The following NCOA1 variants were observed in gnomAD, a reference collection of about 807,000 sequenced individuals.
NCOA1 encodes the protein Hin-2 protein.
A neutral mutation model predicts 150.9 loss-of-function variants in NCOA1; 35 were observed. The observed-to-expected ratio is 0.23, with a 90% confidence interval of 0.18 to 0.31. The LOEUF (loss-of-function observed/expected upper bound fraction) is 0.31. Ranked by LOEUF, NCOA1 falls within the 10% of genes least tolerant of loss-of-function variation. The pLI is 1.00. For missense variants in NCOA1, 1,491 were observed against 1,749.3 expected (o/e 0.85, Z 2.63); for synonymous variants, 590 against 630.0 (o/e 0.94, Z 0.95).
chr2:24,558,379 A>G (rs1666162864), intron 1 of NCOA1, among the ~76,000 whole-genome samples: 1 of 152,204 alleles, frequency 6.6e-6, no homozygotes, highest in African/African-American at 2.4e-5. Flanking sequence ...AATTGGACTT[A>G]CAGTTCCACA....
At chr2:24,564,979 C>T (rs1666438741) in intron 2 of NCOA1, among the ~76,000 whole-genome samples, 1 of 152,166 alleles carries the variant, frequency 6.6e-6, no homozygotes, top group Admixed American at 6.5e-5. Flanking sequence ...TGAAACCTTT[C>T]TTGCCTTTCC....
chr2:24,653,688 T>TA (rs1305088558), intron 4 of NCOA1, among the ~76,000 whole-genome samples: 12 of 152,118 alleles, frequency 7.9e-5, no homozygotes, highest in Non-Finnish European at 1.6e-4. Context: ...CACATTGTAA[T>TA]AAAAAAACAT....
chr2:24,717,984 C>T (rs1456625616), intron 14 of NCOA1, among the ~76,000 whole-genome samples: 1 of 150,248 alleles, frequency 6.7e-6, no homozygotes, highest in Non-Finnish European at 1.5e-5. Flanking sequence ...ACAACCTCTG[C>T]CTCTCAAGTT....
intron 17 of NCOA1, among the ~76,000 whole-genome samples, chr2:24,732,942 T>TAA: frequency 6.8e-6 from 1 of 147,946 alleles, no homozygotes. Context: ...AAAAAAAAAG[T>TAA]AAAAAGGGGG....
intron 3 of NCOA1, among the ~76,000 whole-genome samples, chr2:24,630,036 G>A (rs1024986957): frequency 6.6e-6 from 1 of 151,580 alleles, no homozygotes; most frequent in Non-Finnish European, 1.5e-5. Flanking sequence ...TAGTAGAAAC[G>A]GGGTTTCACT....
chr2:24,638,595 A>G (rs1670046224), intron 3 of NCOA1, among the ~76,000 whole-genome samples: 1 of 152,126 alleles, frequency 6.6e-6, no homozygotes, highest in Non-Finnish European at 1.5e-5. Context: ...GTACTGGTTT[A>G]CATTCCCACC....
intron 6 of NCOA1, among the ~76,000 whole-genome samples, chr2:24,671,513 A>G (rs1671681316): frequency 6.6e-6 from 1 of 152,188 alleles, no homozygotes; most frequent in South Asian, 2.1e-4. Flanking sequence ...TAAAACAAGC[A>G]AAATTTAAAA....
At chr2:24,664,734 T>A (rs1671336533) in intron 5 of NCOA1, among the ~76,000 whole-genome samples, 1 of 151,952 alleles carries the variant, frequency 6.6e-6, no homozygotes, top group South Asian at 2.1e-4. Context: ...AAAAGAAAAG[T>A]AAATGGTATC....
In NCOA1 at chr2:24,761,366, ATTCT is replaced by A. The variant is rs553659394; in HGVS notation, c.4066-1318_4066-1315del. Among the ~76,000 whole-genome samples, 685 of 152,198 alleles carry A rather than the reference ATTCT, an allele frequency of 4.5e-3. 3 individuals are homozygous for A. The highest frequency in any genetic ancestry group is 0.015 in the African/African-American group (640 of 41,510). ...TATTACTGTAGCCTCAGGTTCACTA[ATTCT>A]TTATTTTGCAATATCTAATCTGTTT... On this transcript the variant is annotated intron_variant, in intron 21 of 22. Coordinates refer to ENST00000348332, the MANE Select transcript of NCOA1 (RefSeq NM_003743.5).
intron 3 of NCOA1, among the ~76,000 whole-genome samples, chr2:24,613,435 C>T (rs1023016244): frequency 6.6e-6 from 1 of 152,196 alleles, no homozygotes; most frequent in African/African-American, 2.4e-5. Flanking sequence ...CTACAGTCCC[C>T]TGATGGCAGG....
intron 3 of NCOA1, among the ~76,000 whole-genome samples, chr2:24,601,021 T>G (rs1335444445): frequency 6.6e-6 from 1 of 152,158 alleles, no homozygotes. Context: ...GTGTAAAGAT[T>G]TGTCACATAA....
intron 3 of NCOA1, among the ~76,000 whole-genome samples, chr2:24,585,951 G>A (rs1324843401): frequency 6.6e-6 from 1 of 152,116 alleles, no homozygotes; most frequent in Non-Finnish European, 1.5e-5. Flanking sequence ...AACATATGAA[G>A]GATTTTTAAT....
chr2:24,686,267 T>A (rs906442541), intron 8 of NCOA1, among the ~76,000 whole-genome samples: 1 of 152,130 alleles, frequency 6.6e-6, no homozygotes, highest in African/African-American at 2.4e-5. Context: ...CCTCTCAAAG[T>A]GCTGGGATTA....
At chr2:24,710,519 T>C (rs999603672) in intron 13 of NCOA1, among the ~76,000 whole-genome samples, 5 of 152,216 alleles carry the variant, frequency 3.3e-5, no homozygotes, top group African/African-American at 9.6e-5. Context: ...TATAAAATAG[T>C]TGAATCAATA....
At chr2:24,694,713 A>G (rs1391667417) in intron 10 of NCOA1, among the ~76,000 whole-genome samples, 3 of 152,134 alleles carry the variant, frequency 2.0e-5, no homozygotes, top group Non-Finnish European at 4.4e-5. Flanking sequence ...TGAGTCTACC[A>G]TGTATTATGT....
intron 1 of NCOA1, among the ~76,000 whole-genome samples, chr2:24,497,772 G>C (rs183953240): frequency 2.7e-3 from 412 of 152,242 alleles, no homozygotes; most frequent in Non-Finnish European, 4.6e-3. Context: ...ATCTTTGGTT[G>C]GTTTTGGATT....
intron 3 of NCOA1, among the ~76,000 whole-genome samples, chr2:24,618,030 A>G (rs1456373670): frequency 1.3e-5 from 2 of 152,224 alleles, no homozygotes; most frequent in Non-Finnish European, 1.5e-5. Context: ...AAAACTATAT[A>G]GAGATATTTA....
chr2:24,679,337 G>A (rs1672060258), intron 7 of NCOA1, among the ~76,000 whole-genome samples: 2 of 152,120 alleles, frequency 1.3e-5, no homozygotes, highest in South Asian at 4.1e-4. Flanking sequence ...TGTAGAACAA[G>A]AACAAGTAAT....
intron 1 of NCOA1, among the ~76,000 whole-genome samples, chr2:24,563,138 G>T (rs920204736): frequency 1.1e-4 from 17 of 152,228 alleles, no homozygotes; most frequent in African/African-American, 4.1e-4. Context: ...ATCATTCTCA[G>T]TGATGAGAAT....
Sources: gnomAD v4.1 joint callset for allele counts (sites outside exome capture counted in the v4.1 genomes callset) on GRCh38, gnomAD v4.1.1 for gene constraint, MANE v1.5 for transcripts, NCBI Gene and HGNC (gene_info 2026-07-23, HGNC 2026-07-21) for gene names.